MTSS1: variants seen among roughly 807,000 people sequenced by gnomAD.
The protein encoded by MTSS1 is MTSS I-BAR domain containing 1.
A neutral mutation model predicts 79.0 loss-of-function variants in MTSS1; 18 were observed. The ratio of observed to expected loss-of-function variants is 0.23; its 90% CI spans 0.16 to 0.34. The LOEUF (loss-of-function observed/expected upper bound fraction) is 0.34. MTSS1 is among the 10% of genes least tolerant of loss of function. The pLI, the probability that MTSS1 is intolerant of heterozygous loss-of-function variation, is 1.00. For missense variants in MTSS1, 815 were observed against 986.2 expected (o/e 0.83, Z 2.33); for synonymous variants, 341 against 368.6 (o/e 0.93, Z 0.86).
intron 3 of MTSS1, among the ~76,000 whole-genome samples, chr8:124,674,551 G>C (rs1244145263): frequency 6.6e-6 from 1 of 152,022 alleles, no homozygotes; most frequent in Non-Finnish European, 1.5e-5. Flanking sequence ...TGCCATGTTG[G>C]CTAGGCTGGT....
chr8:124,568,584 TG>T, intron 6 of MTSS1, 48 bp from the exon 7 acceptor site: 1 of 1,612,552 alleles, frequency 6.2e-7, no homozygotes, highest in Non-Finnish European at 8.5e-7. Flanking sequence ...TACCAGCTTC[TG>T]GAACAAGTGC....
rs955877650 is a variant in MTSS1, at chr8:124,612,770, T to A, written c.209-21535A>T. ...ATTGTATTCAGCCCACAAACAAACA[T>A]TCGAAAGCAGATTAAGAACTGTTGT... On this transcript the variant is annotated intron_variant, in intron 3 of 13. Coordinates refer to ENST00000518547, the MANE Select transcript of MTSS1 (RefSeq NM_014751.6). 2.0e-5 allele frequency among the ~76,000 whole-genome samples: 3 copies of A among 152,020 alleles called. No individual in the cohort carries two copies. The East Asian group carries it at 5.8e-4, about 29-fold the overall frequency.
At chr8:124,711,923 G>T (rs1375601900) in intron 1 of MTSS1, among the ~76,000 whole-genome samples, 1 of 151,064 alleles carries the variant, frequency 6.6e-6, no homozygotes, top group Non-Finnish European at 1.5e-5. Context: ...CATGAAAATC[G>T]CTAAAGCCCA....
At chr8:124,712,165 G>T (rs2135605878) in intron 1 of MTSS1, among the ~76,000 whole-genome samples, 1 of 152,200 alleles carries the variant, frequency 6.6e-6, no homozygotes, top group Admixed American at 6.5e-5. Flanking sequence ...CACACAAACT[G>T]GTCTTCTTCT....
At chr8:124,564,220 C>T (rs181166572) in intron 9 of MTSS1, among the ~76,000 whole-genome samples, 24 of 149,958 alleles carry the variant, frequency 1.6e-4, no homozygotes, top group African/African-American at 4.9e-4. Context: ...TCCAAACAAA[C>T]GGAGCTGAAA....
intron 3 of MTSS1, among the ~76,000 whole-genome samples, chr8:124,607,430 A>G (rs1460155486): frequency 2.0e-5 from 3 of 152,156 alleles, no homozygotes; most frequent in African/African-American, 4.8e-5. Context: ...CCTTCCCCAG[A>G]TGGTTTCTGA....
At position 124,718,982 on chromosome 8, in the gene MTSS1, G is replaced by GTT. The variant is rs573148021; in HGVS notation, c.72+8900_72+8901dup. Among the ~76,000 whole-genome samples, 345 of 152,278 alleles carry GTT rather than the reference G, an allele frequency of 2.3e-3. 2 individuals are homozygous for GTT. The highest frequency in any genetic ancestry group is 6.9e-3 in the African/African-American group (285 of 41,542). On this transcript the variant is annotated intron_variant, in intron 1 of 13. Transcript: ENST00000518547. ...CAGAGGTGAGTCTAGATTTTTGTGT[G>GTT]TTCTTATCTGTCTCATCCTGAGTCC...
At position 124,597,078 on chromosome 8, in the gene MTSS1, G is replaced by A. The variant is rs139479949; in HGVS notation, c.209-5843C>T. On this transcript the variant is annotated intron_variant, in intron 3 of 13. Coordinates refer to ENST00000518547, the MANE Select transcript of MTSS1 (RefSeq NM_014751.6). The surrounding 1 kb of genome is among the most constrained non-coding windows in gnomAD (Gnocchi z 4.6). ...CGCAGTCCACGGCCCACATCCTACC[G>A]TGCAGCAAAAACTAACGTGATTTCA... is the stretch of plus-strand genomic sequence containing the variant. 3.9e-5 allele frequency among the ~76,000 whole-genome samples: 6 copies of A among 152,198 alleles called. No individual in the cohort carries two copies. The highest frequency in any genetic ancestry group is 1.9e-4 in the East Asian group (1 of 5,176).
intron 3 of MTSS1, among the ~76,000 whole-genome samples, chr8:124,626,406 G>A (rs1814673438): frequency 6.6e-6 from 1 of 152,174 alleles, no homozygotes; most frequent in South Asian, 2.1e-4. Context: ...GGAAGCTGAG[G>A]TGGGAGGATA....
At position 124,557,902 on chromosome 8, in the gene MTSS1, G is replaced by GA. The variant is rs1226343603; in HGVS notation, c.1036-28_1036-27insT. On this transcript the variant is annotated intron_variant, in intron 10 of 13. Coordinates refer to ENST00000518547, the MANE Select transcript of MTSS1 (RefSeq NM_014751.6). ...TGGAAACAAACAAAAAAAGGGGGGG[G>GA]GAAGGAAAAAAAATTAATATAACAG... 18 of 1,514,200 alleles carry GA rather than the reference G, an allele frequency of 1.2e-5. No homozygotes were observed. In the African/African-American group the frequency reaches 2.2e-4, roughly 19 times the overall value. 93.8% of individuals were successfully genotyped at this position (1,514,200 alleles called of 1,614,324 possible).
At chr8:124,611,114 C>G (rs556507016) in intron 3 of MTSS1, among the ~76,000 whole-genome samples, 6 of 148,548 alleles carry the variant, frequency 4.0e-5, no homozygotes, top group South Asian at 2.1e-4. Context: ...AGACCCCCCC[C>G]CCCCAGCATG....
intron 3 of MTSS1, among the ~76,000 whole-genome samples, chr8:124,592,882 C>T (rs538592636): frequency 6.6e-6 from 1 of 152,344 alleles, no homozygotes; most frequent in South Asian, 2.1e-4. Context: ...CCTTTAACCT[C>T]ACCTCCAGAC....
At chr8:124,568,305 TG>T (rs1826970425) in intron 7 of MTSS1, 73 bp downstream of exon 7, 2 of 1,510,158 alleles carry the variant, frequency 1.3e-6, no homozygotes, top group Non-Finnish European at 1.8e-6. Context: ...GACTCAACAG[TG>T]GATGGATAAA....
chr8:124,652,977 A>G (rs528727855), intron 3 of MTSS1, among the ~76,000 whole-genome samples: 112 of 152,330 alleles, frequency 7.4e-4, no homozygotes, highest in Non-Finnish European at 1.4e-3. Flanking sequence ...GATGGCAGTG[A>G]ATTCTCTGCC....
intron 3 of MTSS1, among the ~76,000 whole-genome samples, chr8:124,669,623 G>A (rs1823750666): frequency 6.6e-6 from 1 of 152,210 alleles, no homozygotes; most frequent in Non-Finnish European, 1.5e-5. Context: ...CAAAGACAGT[G>A]ACCTACATAT....
chr8:124,679,127 A>C (rs1825754127), intron 3 of MTSS1, among the ~76,000 whole-genome samples: 1 of 152,184 alleles, frequency 6.6e-6, no homozygotes, highest in African/African-American at 2.4e-5. Flanking sequence ...TAGAGGAGGC[A>C]AGGTTGTTTT....
intron 7 of MTSS1, chr8:124,567,924 G>T: frequency 7.1e-7 from 1 of 1,406,964 alleles, no homozygotes; most frequent in Non-Finnish European, 9.3e-7. Context: ...GATTCATTGA[G>T]GCTCTTGGAT....
At chr8:124,665,232 C>G (rs773249430) in intron 3 of MTSS1, among the ~76,000 whole-genome samples, 3 of 152,196 alleles carry the variant, frequency 2.0e-5, no homozygotes, top group Non-Finnish European at 2.9e-5. Flanking sequence ...CTGCTGTGTC[C>G]AAGACATTTC....
chr8:124,708,246 G>A (rs1410933737), intron 1 of MTSS1, among the ~76,000 whole-genome samples: 1 of 152,202 alleles, frequency 6.6e-6, no homozygotes, highest in Non-Finnish European at 1.5e-5. Flanking sequence ...GGGCTGAGAG[G>A]AGGAACGAAT....
Sources: gnomAD v4.1 joint callset for allele counts (sites outside exome capture counted in the v4.1 genomes callset) on GRCh38, gnomAD v4.1.1 for gene constraint, Gnocchi (gnomAD v3.1) non-coding constraint, MANE v1.5 for transcripts, NCBI Gene and HGNC (gene_info 2026-07-23, HGNC 2026-07-21) for gene names.